GSE1: variants seen among roughly 807,000 people sequenced by gnomAD.
The protein encoded by GSE1 is Gse1 coiled-coil protein, also known as genetic suppressor element 1.
In GSE1, 32 loss-of-function variants were observed where a neutral mutation model predicts 112.6. The observed-to-expected ratio is 0.28, with a 90% CI of 0.21 to 0.38. The LOEUF is 0.38. GSE1 is among the 10% of genes least tolerant of loss of function. The pLI is 1.00. For missense variants in GSE1, 2,348 were observed against 1,699.2 expected, an observed-to-expected ratio of 1.38 and a Z score of -6.71; for synonymous variants, 1,115 against 735.6, an observed-to-expected ratio of 1.52 and a Z score of -8.35.
At chr16:85,322,618 T>C (rs79315586) in intron 1 of GSE1, among the ~76,000 whole-genome samples, 4 of 149,950 alleles carry the variant, frequency 2.7e-5, no homozygotes, top group Non-Finnish European at 5.9e-5. Flanking sequence ...ATTTTGCTTT[T>C]TTTTTTTTTT....
chr16:85,170,961 G>A (rs1341112383), exon 1 of GSE1: 1 of 985,386 alleles, frequency 1.0e-6, no homozygotes, highest in Non-Finnish European at 1.2e-6. Context: ...CCCTGCGAGA[G>A]GCCTGCTACC....
chr16:85,447,018 T>G (rs951523483), intron 2 of GSE1, among the ~76,000 whole-genome samples: 1 of 152,132 alleles, frequency 6.6e-6, no homozygotes, highest in African/African-American at 2.4e-5. Flanking sequence ...CCACACGCCT[T>G]GAGCTGAGCC....
At chr16:85,196,602 A>T (rs965491319) in intron 1 of GSE1, among the ~76,000 whole-genome samples, 2 of 151,802 alleles carry the variant, frequency 1.3e-5, no homozygotes, top group Non-Finnish European at 1.5e-5. Flanking sequence ...TTTGGTAAGC[A>T]TTGTTTCTCG....
upstream of GSE1, chr16:85,555,018 G>A (rs1320149353): frequency 7.1e-6 from 7 of 985,388 alleles, no homozygotes; most frequent in South Asian, 4.7e-5. Flanking sequence ...CTCGGCGGCC[G>A]CGCGGGGGGA....
At chr16:85,353,563 A>G (rs1305754426) in intron 1 of GSE1, among the ~76,000 whole-genome samples, 1 of 152,176 alleles carries the variant, frequency 6.6e-6, no homozygotes, top group Non-Finnish European at 1.5e-5. Context: ...GCCAGAAGCG[A>G]TTGCATCCAC....
rs116054045 is a variant in GSE1, at chr16:85,273,644, C to A, written c.2284-83819C>A. Among the ~76,000 whole-genome samples, 1,304 of 152,154 alleles carry A rather than the reference C, an allele frequency of 8.6e-3. 16 individuals carry two copies. The highest frequency in any genetic ancestry group is 0.03 in the African/African-American group (1,247 of 41,518). ...GAAAGCAGACTGGTGCTGCCAGGGG[C>A]TGGGAGGAGGAAGAAGAGGAGTGAC... On this transcript the variant is annotated intron_variant, in intron 1 of 2. Transcript: ENST00000637419.
intron 1 of GSE1, among the ~76,000 whole-genome samples, chr16:85,235,171 C>T (rs1425385539): frequency 6.6e-6 from 1 of 152,062 alleles, no homozygotes; most frequent in Non-Finnish European, 1.5e-5. Flanking sequence ...TAGGGGTGTC[C>T]TTTCTCCCCA....
At chr16:85,421,306 G>T (rs1396736166) in intron 2 of GSE1, among the ~76,000 whole-genome samples, 2 of 152,098 alleles carry the variant, frequency 1.3e-5, no homozygotes, top group Non-Finnish European at 2.9e-5. Flanking sequence ...GGGGATGGGA[G>T]CCTAGGGCAT....
chr16:85,282,359 A>G (rs975508003), intron 1 of GSE1, among the ~76,000 whole-genome samples: 2 of 152,126 alleles, frequency 1.3e-5, no homozygotes, highest in African/African-American at 2.4e-5. Flanking sequence ...CTTTAGATCA[A>G]TTTGCCACCG....
chr16:85,585,863 G>A (rs1462570321), intron 1 of GSE1, among the ~76,000 whole-genome samples: 1 of 152,220 alleles, frequency 6.6e-6, no homozygotes, highest in Non-Finnish European at 1.5e-5. Flanking sequence ...GTGTGGACTT[G>A]GAGCCAGCCT....
chr16:85,471,981 G>A lies in GSE1; in HGVS notation c.2464+114338G>A, dbSNP rs1206455380. Among the ~76,000 whole-genome samples the A allele has an allele frequency of 2.0e-5, 3 of 152,232 alleles. No individual in the cohort carries two copies. In the East Asian group the frequency reaches 5.8e-4, roughly 29 times the overall value. Reference sequence around the variant, plus strand: ...CCTTAAGGCACCGTAAGACCGTTGAGGTTTGGGGCCAGATACTTCTTTGTC... The same window carrying A: ...CCTTAAGGCACCGTAAGACCGTTGAAGTTTGGGGCCAGATACTTCTTTGTC... On this transcript the variant is annotated intron_variant, in intron 2 of 2. Coordinates refer to the GSE1 transcript ENST00000637419.
rs151257856 is a variant in GSE1 at position 85,602,430 on chromosome 16, T to G, written c.37+46067T>G. ...GATCCCTGGGAGGCTTCTTGGGGGC[T>G]AATGGAGACCCTTGGGCCCTGGCCG... On this transcript the variant is annotated intron_variant, in intron 1 of 2. Coordinates refer to the GSE1 transcript ENST00000635906. Among the ~76,000 whole-genome samples, 1,248 of 152,288 alleles carry G rather than the reference T, an allele frequency of 8.2e-3. 15 individuals carry two copies. Among genetic ancestry groups the G allele is most frequent in the South Asian group, 0.033 (161 of 4,828 alleles).
intron 1 of GSE1, among the ~76,000 whole-genome samples, chr16:85,174,251 G>A (rs1320048219): frequency 2.6e-5 from 4 of 152,194 alleles, no homozygotes; most frequent in Admixed American, 2.0e-4. Context: ...ATAGGAGGTT[G>A]GATTTGAAGT....
At chr16:85,523,542 G>C (rs2052261582) in intron 2 of GSE1, among the ~76,000 whole-genome samples, 1 of 152,288 alleles carries the variant, frequency 6.6e-6, no homozygotes, top group East Asian at 1.9e-4. Context: ...GGGCCAGGAA[G>C]GAAGCAGGGC....
rs530563384 is a variant in GSE1 at position 85,629,177 on chromosome 16, A to T, written c.8-4737A>T. On this transcript the variant is annotated intron_variant, in intron 1 of 15. Coordinates refer to ENST00000253458, the MANE Select transcript of GSE1 (RefSeq NM_014615.5). ...GATGCCAGCACCACGCTTCCTGTAC[A>T]CCCCACAGAGTCAGGAGCCAAAATA... Among the ~76,000 whole-genome samples the T allele has an allele frequency of 1.6e-3, 238 of 152,210 alleles. 1 individual carries two copies. The highest frequency in any genetic ancestry group is 5.6e-3 in the African/African-American group (232 of 41,524).
upstream of GSE1, among the ~76,000 whole-genome samples, chr16:85,612,238 G>T (rs2048036543): frequency 1.3e-5 from 2 of 149,048 alleles, no homozygotes; most frequent in African/African-American, 5.2e-5. Flanking sequence ...GCCGCGATGG[G>T]GTGGGGGCGG....
In GSE1 at chr16:85,506,679, T is replaced by G. The variant is rs998702714; in HGVS notation, c.2465-127235T>G. Among the ~76,000 whole-genome samples, 62 of 151,800 alleles carry G rather than the reference T, an allele frequency of 4.1e-4. No homozygotes were observed. The East Asian group carries it at 8.5e-3, about 21-fold the overall frequency. ...TTCAATGCATTTCAACCTGGGGAGG[T>G]GGGGGCAGCGCCGTAATCATAACAA... is the stretch of plus-strand genomic sequence containing the variant. On this transcript the variant is annotated intron_variant, in intron 2 of 2. Coordinates refer to the GSE1 transcript ENST00000637419.
chr16:85,613,205 G>C (rs2048110597), upstream of GSE1: 1 of 1,457,168 alleles, frequency 6.9e-7, no homozygotes, highest in Non-Finnish European at 9.0e-7. Context: ...GCGGCGTTGC[G>C]TTTGGGTGTG....
chr16:85,252,995 C>G (rs1451331512), intron 1 of GSE1, among the ~76,000 whole-genome samples: 18 of 151,762 alleles, frequency 1.2e-4, no homozygotes, highest in Admixed American at 1.1e-3. Flanking sequence ...TCGGCAGCCC[C>G]TAGCCACTCC....
Sources: allele counts gnomAD v4.1 joint callset (sites outside exome capture counted in the v4.1 genomes callset), GRCh38; gene constraint gnomAD v4.1.1; transcripts MANE v1.5; gene names NCBI Gene and HGNC (gene_info 2026-07-23, HGNC 2026-07-21).